The following FHIT variants were observed in gnomAD, a reference collection of about 807,000 sequenced individuals.
FHIT encodes bis(5'-adenosyl)-triphosphatase.
A neutral mutation model predicts 17.9 loss-of-function variants in FHIT; 19 were observed. That is an observed-to-expected ratio of 1.06 (90% CI 0.74 to 1.56). The LOEUF (loss-of-function observed/expected upper bound fraction) is 1.56. FHIT is among the 40% of genes most tolerant of loss of function. The pLI is 0.00. For synonymous variants in FHIT, 81 were observed against 69.7 expected, an observed-to-expected ratio of 1.16 and a Z score of -0.81; for missense variants, 248 against 189.2, an observed-to-expected ratio of 1.31 and a Z score of -1.82.
At chr3:60,635,734 T>A (rs968784769) in intron 4 of FHIT, among the ~76,000 whole-genome samples, 1 of 152,154 alleles carries the variant, frequency 6.6e-6, no homozygotes, top group Non-Finnish European at 1.5e-5. Flanking sequence ...ATTGGAACTC[T>A]GAGCCCATAC....
In FHIT at chr3:60,514,775, G is replaced by T. The variant is rs1335327893; in HGVS notation, c.103+22085C>A. ...GACAACCTAGAAGTCTCTGAGAGGAGAGAAATCTTTCCAGATCCATCAGGA... is the reference window on the plus strand; with the variant it reads ...GACAACCTAGAAGTCTCTGAGAGGATAGAAATCTTTCCAGATCCATCAGGA... On this transcript the variant is annotated intron_variant, in intron 5 of 9. Coordinates refer to ENST00000492590, the MANE Select transcript of FHIT (RefSeq NM_002012.4). Among the ~76,000 whole-genome samples the T allele has an allele frequency of 2.6e-5, 4 of 152,264 alleles. No homozygotes were observed. In the South Asian group the frequency reaches 8.3e-4, roughly 32 times the overall value.
chr3:60,210,100 C>CA (rs552155741), intron 5 of FHIT, among the ~76,000 whole-genome samples: 2 of 151,434 alleles, frequency 1.3e-5, no homozygotes, highest in East Asian at 1.9e-4. Flanking sequence ...AAACAAAAAC[C>CA]AAAAAAAAGT....
At chr3:60,530,734 T>C (rs552234317) in intron 5 of FHIT, among the ~76,000 whole-genome samples, 18 of 152,334 alleles carry the variant, frequency 1.2e-4, no homozygotes, top group East Asian at 1.9e-4. Context: ...AGATGGATGA[T>C]GGTCACAGCA....
chr3:60,059,778 C>T (rs1417437251), intron 5 of FHIT, among the ~76,000 whole-genome samples: 2 of 152,106 alleles, frequency 1.3e-5, no homozygotes, highest in African/African-American at 2.4e-5. Context: ...CTAGAGCTCC[C>T]CCCATTCTTG....
intron 5 of FHIT, among the ~76,000 whole-genome samples, chr3:60,275,865 T>G (rs550991273): frequency 5.1e-4 from 78 of 152,320 alleles, no homozygotes; most frequent in African/African-American, 1.9e-3. Context: ...GAAATTAGAC[T>G]TCTTTTTATG....
chr3:59,850,118 T>C (rs1701875429), intron 8 of FHIT, among the ~76,000 whole-genome samples: 2 of 152,202 alleles, frequency 1.3e-5, no homozygotes, highest in South Asian at 2.1e-4. Context: ...ATTAGAAAGG[T>C]GAAGCCCTGT....
intron 3 of FHIT, among the ~76,000 whole-genome samples, chr3:61,017,664 C>T (rs150788631): frequency 3.9e-4 from 60 of 152,156 alleles, no homozygotes; most frequent in Non-Finnish European, 6.8e-4. Context: ...TAATATGCTG[C>T]AAAAATCTCT....
intron 5 of FHIT, among the ~76,000 whole-genome samples, chr3:60,495,891 A>G (rs535007267): frequency 8.6e-4 from 131 of 152,280 alleles, no homozygotes; most frequent in African/African-American, 2.8e-3. Flanking sequence ...GACAGGCAAG[A>G]AACAGATTCA....
intron 5 of FHIT, among the ~76,000 whole-genome samples, chr3:60,219,821 G>A (rs1344370331): frequency 6.6e-6 from 1 of 152,074 alleles, no homozygotes; most frequent in Non-Finnish European, 1.5e-5. Context: ...GTATCTAAAT[G>A]TGTGGTTATA....
chr3:60,113,901 C>G (rs1270265048), intron 5 of FHIT, among the ~76,000 whole-genome samples: 1 of 139,996 alleles, frequency 7.1e-6, no homozygotes, highest in African/African-American at 2.7e-5. Context: ...ACTGGGGTGG[C>G]TGAGGCAGGA....
At chr3:60,003,213 C>G (rs1450848510) in intron 7 of FHIT, among the ~76,000 whole-genome samples, 1 of 152,118 alleles carries the variant, frequency 6.6e-6, no homozygotes, top group Non-Finnish European at 1.5e-5. Context: ...CACTGCTTCC[C>G]CTCACTATCT....
intron 5 of FHIT, among the ~76,000 whole-genome samples, chr3:60,445,967 T>C (rs1486069338): frequency 2.6e-5 from 4 of 152,138 alleles, no homozygotes; most frequent in Non-Finnish European, 4.4e-5. Flanking sequence ...TGCAAATCCA[T>C]ATTGTGTTTC....
chr3:61,135,226 GT>G (rs1328612890), intron 2 of FHIT, among the ~76,000 whole-genome samples: 1 of 152,342 alleles, frequency 6.6e-6, no homozygotes, highest in Middle Eastern at 3.4e-3. Context: ...GGCTTGGGAA[GT>G]TTTCTAAGGT....
rs562185354 is a variant in FHIT at position 59,764,168 on chromosome 3, C to T, written c.349-11847G>A. On this transcript the variant is annotated intron_variant, in intron 8 of 9. Transcript: ENST00000492590. ...AGCCCTGCCTATAATGAACTTTCCC[C>T]AGAAAAGCAGGTGAGCAGCAAGCTA... 1.2e-4 allele frequency among the ~76,000 whole-genome samples: 19 copies of T among 152,226 alleles called. No individual in the cohort carries two copies. The South Asian group carries it at 3.3e-3, about 27-fold the overall frequency.
intron 5 of FHIT, among the ~76,000 whole-genome samples, chr3:60,277,358 G>C (rs995350288): frequency 6.6e-6 from 1 of 152,084 alleles, no homozygotes; most frequent in Admixed American, 6.6e-5. Context: ...TTCTAACAAA[G>C]AGCAGCCTGT....
chr3:60,491,368 T>C (rs960929376), intron 5 of FHIT, among the ~76,000 whole-genome samples: 3 of 151,566 alleles, frequency 2.0e-5, no homozygotes, highest in Non-Finnish European at 2.9e-5. Context: ...ACCAACCTTA[T>C]AATGTTTCAT....
chr3:60,068,926 C>A (rs956482969), intron 5 of FHIT, among the ~76,000 whole-genome samples: 2 of 152,128 alleles, frequency 1.3e-5, no homozygotes, highest in Non-Finnish European at 1.5e-5. Context: ...TATTGTAAGA[C>A]TGTTTCTCTA....
chr3:59,934,789 A>G (rs1380398491), intron 7 of FHIT, among the ~76,000 whole-genome samples: 1 of 152,148 alleles, frequency 6.6e-6, no homozygotes. Flanking sequence ...ATCAGATCTC[A>G]TGAGAACTAA....
chr3:60,812,525 G>T (rs575004344), intron 4 of FHIT, among the ~76,000 whole-genome samples: 120 of 152,074 alleles, frequency 7.9e-4, no homozygotes, highest in African/African-American at 2.7e-3. Flanking sequence ...ATACTTCAGG[G>T]TACTCACAAA....
Sources: gnomAD v4.1 joint callset for allele counts (sites outside exome capture counted in the v4.1 genomes callset) on GRCh38, gnomAD v4.1.1 for gene constraint, MANE v1.5 for transcripts, NCBI Gene and HGNC (gene_info 2026-07-23, HGNC 2026-07-21) for gene names.